The following MACROD2 variants were observed in gnomAD, a reference collection of about 807,000 sequenced individuals.
MACROD2 encodes ADP-ribose glycohydrolase MACROD2.
A neutral mutation model predicts 70.4 loss-of-function variants in MACROD2; 36 were observed. The observed-to-expected ratio is 0.51, with a 90% confidence interval of 0.39 to 0.68. The LOEUF (loss-of-function observed/expected upper bound fraction) is 0.68, where lower values mean the gene tolerates loss of function less well. MACROD2 is among the 30% of genes least tolerant of loss of function. The pLI is 0.00. For missense variants in MACROD2, 496 were observed against 538.4 expected, an observed-to-expected ratio of 0.92 and a Z score of 0.78; for synonymous variants, 172 against 178.8, an observed-to-expected ratio of 0.96 and a Z score of 0.30.
chr20:14,110,199 T>TA (rs1217778674), intron 3 of MACROD2, among the ~76,000 whole-genome samples: 4 of 151,710 alleles, frequency 2.6e-5, no homozygotes, highest in African/African-American at 9.7e-5. Flanking sequence ...GTAAAAGATC[T>TA]AAAAAAACTC....
At chr20:14,389,738 A>T (rs2083507620) in intron 3 of MACROD2, among the ~76,000 whole-genome samples, 1 of 152,148 alleles carries the variant, frequency 6.6e-6, no homozygotes, top group Non-Finnish European at 1.5e-5. Context: ...TTAAATTTTA[A>T]CCATAAGCAT....
At chr20:15,939,835 AC>A (rs1568655557) in intron 12 of MACROD2, among the ~76,000 whole-genome samples, 1 of 152,150 alleles carries the variant, frequency 6.6e-6, no homozygotes, top group African/African-American at 2.4e-5. Context: ...ATCAACGTTA[AC>A]AAGGGTTTGA....
chr20:15,972,055 A>C (rs1386120212), intron 13 of MACROD2, among the ~76,000 whole-genome samples: 1 of 152,224 alleles, frequency 6.6e-6, no homozygotes, highest in Non-Finnish European at 1.5e-5. Context: ...AATTTCAAGG[A>C]ATTCAAAACA....
chr20:15,987,273 GA>G, intron 15 of MACROD2, 115 bp downstream of exon 15: 1 of 818,236 alleles, frequency 1.2e-6, no homozygotes, highest in East Asian at 2.9e-5. Context: ...GGGGGAAAAC[GA>G]ACATTTCCTT....
chr20:14,637,457 T>A (rs1984843709), intron 4 of MACROD2, among the ~76,000 whole-genome samples: 1 of 152,226 alleles, frequency 6.6e-6, no homozygotes, highest in South Asian at 2.1e-4. Flanking sequence ...AGATGAATGC[T>A]GGGTAAAATA....
chr20:15,437,646 C>T (rs2046443665), intron 7 of MACROD2, among the ~76,000 whole-genome samples: 1 of 152,136 alleles, frequency 6.6e-6, no homozygotes, highest in South Asian at 2.1e-4. Flanking sequence ...TCCCCTCCTT[C>T]CTCTCACCCT....
chr20:15,467,825 G>A (rs1052625629), intron 7 of MACROD2, among the ~76,000 whole-genome samples: 2 of 152,158 alleles, frequency 1.3e-5, no homozygotes, highest in African/African-American at 2.4e-5. Flanking sequence ...TGAGTGTATA[G>A]TGGCAAGGGA....
At chr20:13,997,083 A>T (rs1448124002) in intron 1 of MACROD2, among the ~76,000 whole-genome samples, 1 of 150,752 alleles carries the variant, frequency 6.6e-6, no homozygotes, top group Non-Finnish European at 1.5e-5. Context: ...TGAGGAGGGA[A>T]TTTTTTTTTT....
At chr20:15,482,757 A>T (rs1219485454) in intron 7 of MACROD2, among the ~76,000 whole-genome samples, 2 of 152,146 alleles carry the variant, frequency 1.3e-5, no homozygotes, top group East Asian at 3.9e-4. Context: ...GATCTTGGCC[A>T]TTCTAATAGA....
intron 8 of MACROD2, among the ~76,000 whole-genome samples, chr20:15,610,698 C>T (rs904186749): frequency 1.3e-5 from 2 of 152,114 alleles, no homozygotes; most frequent in Non-Finnish European, 2.9e-5. Context: ...TGTAGGCACC[C>T]TGCCTGCAGC....
chr20:15,785,151 C>CA (rs398035431), intron 8 of MACROD2, among the ~76,000 whole-genome samples: 6,194 of 103,258 alleles, frequency 0.06, 216 homozygotes, highest in African/African-American at 0.08. Context: ...GACTCCGTCT[C>CA]AAAAAAAAAA....
chr20:14,522,673 C>A (rs2085182226), intron 4 of MACROD2, among the ~76,000 whole-genome samples: 1 of 152,174 alleles, frequency 6.6e-6, no homozygotes, highest in Admixed American at 6.5e-5. Flanking sequence ...GTTTTTCCCT[C>A]TCAATGGCAT....
chr20:16,015,529 A>C (rs921988461), intron 15 of MACROD2, among the ~76,000 whole-genome samples: 2 of 152,190 alleles, frequency 1.3e-5, no homozygotes, highest in African/African-American at 4.8e-5. Flanking sequence ...TTCCATGTAA[A>C]TTTTATAATT....
intron 2 of MACROD2, among the ~76,000 whole-genome samples, chr20:14,027,772 C>T (rs1295270974): frequency 6.6e-6 from 1 of 152,132 alleles, no homozygotes. Flanking sequence ...GCTGCCTGTT[C>T]CTTCCTCTGG....
intron 4 of MACROD2, among the ~76,000 whole-genome samples, chr20:14,615,678 G>A (rs2123438661): frequency 6.6e-6 from 1 of 152,192 alleles, no homozygotes; most frequent in South Asian, 2.1e-4. Flanking sequence ...CAGGAGCAGG[G>A]AAGAATATGT....
intron 3 of MACROD2, among the ~76,000 whole-genome samples, chr20:14,275,884 C>T (rs62207583): frequency 0.37 from 55,683 of 151,978 alleles, 12,251 homozygotes; most frequent in Non-Finnish European, 0.49. Context: ...AAAATGCTCA[C>T]CATCACTGGC....
intron 4 of MACROD2, among the ~76,000 whole-genome samples, chr20:14,678,166 C>T (rs2070885555): frequency 6.6e-6 from 1 of 152,106 alleles, no homozygotes; most frequent in African/African-American, 2.4e-5. Context: ...TGGTGTCCTG[C>T]CTGAGCCCCT....
chr20:14,694,739 G>C (rs927904063), intron 5 of MACROD2, among the ~76,000 whole-genome samples: 2 of 152,110 alleles, frequency 1.3e-5, no homozygotes, highest in African/African-American at 2.4e-5. Context: ...GTCCCAGATA[G>C]GGATTAATAA....
intron 5 of MACROD2, among the ~76,000 whole-genome samples, chr20:15,020,370 A>G (rs2075155753): frequency 6.6e-6 from 1 of 152,178 alleles, no homozygotes; most frequent in South Asian, 2.1e-4. Context: ...TTTCTATAAG[A>G]TCTATCTGAA....
Sources: gnomAD v4.1 joint callset for allele counts (sites outside exome capture counted in the v4.1 genomes callset) on GRCh38, gnomAD v4.1.1 for gene constraint, MANE v1.5 for transcripts, NCBI Gene and HGNC (gene_info 2026-07-23, HGNC 2026-07-21) for gene names.